NBAS: variants seen among roughly 807,000 people sequenced by gnomAD.
NBAS encodes NBAS subunit of NRZ tethering complex, also known as NAG/BC035112 fusion.
A neutral mutation model predicts 302.5 loss-of-function variants in NBAS; 219 were observed. That is an observed-to-expected ratio of 0.72 (90% CI 0.65 to 0.81). The LOEUF is 0.81. NBAS is among the 30% of genes least tolerant of loss of function. The probability of loss-of-function intolerance (pLI) is 0.00; values close to 1 mark genes in which losing one functional copy is unlikely to be tolerated. For missense variants in NBAS, 2,932 were observed against 2,841.6 expected (o/e 1.03, Z -0.72); for synonymous variants, 1,118 against 1,021.6 (o/e 1.09, Z -1.80).
chr2:14,920,558 T>C, the NBAS span, among the ~76,000 whole-genome samples: 1 of 152,228 alleles, frequency 6.6e-6, no homozygotes, highest in African/African-American at 2.4e-5. Context: ...AATATAGGGT[T>C]GTTTTGTCTA....
At chr2:15,230,914 G>A (rs1667356640) in intron 47 of NBAS, among the ~76,000 whole-genome samples, 1 of 152,164 alleles carries the variant, frequency 6.6e-6, no homozygotes, top group Non-Finnish European at 1.5e-5. Context: ...TCCTCAGCCT[G>A]GAATTACCAT....
At chr2:15,215,626 ACAAGAG>A (rs1666616847) in intron 48 of NBAS, among the ~76,000 whole-genome samples, 2 of 152,354 alleles carry the variant, frequency 1.3e-5, no homozygotes, top group Non-Finnish European at 1.5e-5. Flanking sequence ...AATGAAAAAA[ACAAGAG>A]CTCATACAGT....
chr2:14,910,109 G>C, the NBAS span, among the ~76,000 whole-genome samples: 2 of 152,066 alleles, frequency 1.3e-5, no homozygotes, highest in African/African-American at 4.8e-5. Context: ...TGAGAATTTG[G>C]GTTTCACCTG....
intron 9 of NBAS, among the ~76,000 whole-genome samples, chr2:15,532,590 G>T (rs1397350940): frequency 2.0e-5 from 3 of 151,544 alleles, no homozygotes; most frequent in African/African-American, 7.3e-5. Context: ...TCGTGGTAGA[G>T]TAAGAAAACT....
the NBAS span, among the ~76,000 whole-genome samples, chr2:14,854,343 G>A: frequency 1.3e-5 from 2 of 151,816 alleles, no homozygotes; most frequent in South Asian, 2.1e-4. Flanking sequence ...AAAAATAAAT[G>A]AATTTGGAGA....
chr2:15,092,544 T>C, the NBAS span, among the ~76,000 whole-genome samples: 10 of 151,568 alleles, frequency 6.6e-5, no homozygotes, highest in Non-Finnish European at 1.2e-4. Context: ...CAACTCCACA[T>C]TTTGTACTGC....
chr2:15,388,114 C>T (rs1346089376), intron 28 of NBAS, among the ~76,000 whole-genome samples: 4 of 152,172 alleles, frequency 2.6e-5, no homozygotes, highest in Non-Finnish European at 4.4e-5. Context: ...GAATTGACAC[C>T]TTTCCACTAT....
At chr2:14,825,005 G>A in the NBAS span, among the ~76,000 whole-genome samples, 3 of 152,124 alleles carry the variant, frequency 2.0e-5, 1 homozygote, top group South Asian at 6.2e-4. Flanking sequence ...CGGTGCCCTA[G>A]GTTCATGTAT....
At chr2:15,400,866 T>C (rs1053046178) in intron 26 of NBAS, among the ~76,000 whole-genome samples, 3 of 152,208 alleles carry the variant, frequency 2.0e-5, no homozygotes, top group African/African-American at 7.2e-5. Context: ...ATATCCCACA[T>C]TCAGTAGTTG....
chr2:15,467,185 A>G (rs570318579), intron 19 of NBAS, 144 bp downstream of exon 19: 38 of 660,052 alleles, frequency 5.8e-5, no homozygotes, highest in Non-Finnish European at 9.2e-5. Flanking sequence ...AAACTAGTAT[A>G]TAAGAGAACT....
intron 44 of NBAS, among the ~76,000 whole-genome samples, chr2:15,242,237 T>G (rs1667897981): frequency 6.6e-6 from 1 of 152,198 alleles, no homozygotes; most frequent in Non-Finnish European, 1.5e-5. Flanking sequence ...ATTGTTTGAC[T>G]TCATCACTAC....
intron 47 of NBAS, among the ~76,000 whole-genome samples, chr2:15,224,227 G>C (rs2147902768): frequency 1.3e-5 from 2 of 152,290 alleles, no homozygotes; most frequent in Admixed American, 1.3e-4. Context: ...CAAAAGAATG[G>C]AAGGGAAATG....
the NBAS span, among the ~76,000 whole-genome samples, chr2:14,865,227 C>A: frequency 1.7e-4 from 26 of 152,038 alleles, no homozygotes; most frequent in East Asian, 4.8e-3. Flanking sequence ...ACTCTAACTT[C>A]TTTCCCCATC....
chr2:15,345,821 G>C (rs569774640), intron 35 of NBAS, among the ~76,000 whole-genome samples: 2 of 152,102 alleles, frequency 1.3e-5, no homozygotes, highest in Non-Finnish European at 2.9e-5. Context: ...TAGACCAAAG[G>C]AACAGAACAG....
chr2:15,341,406 A>G (rs1407997143), intron 35 of NBAS, among the ~76,000 whole-genome samples: 1 of 148,022 alleles, frequency 6.8e-6, no homozygotes, highest in Non-Finnish European at 1.5e-5. Context: ...ATAAATGAAT[A>G]AATAAATAAA....
At chr2:15,230,657 A>T (rs1667344495) in intron 47 of NBAS, among the ~76,000 whole-genome samples, 1 of 152,180 alleles carries the variant, frequency 6.6e-6, no homozygotes, top group Non-Finnish European at 1.5e-5. Context: ...AGCCCCATTG[A>T]AAGGGGACTA....
At chr2:15,147,733 G>A in the NBAS span, among the ~76,000 whole-genome samples, 9 of 152,068 alleles carry the variant, frequency 5.9e-5, no homozygotes, top group Non-Finnish European at 1.0e-4. Flanking sequence ...TCTAAGGACC[G>A]CCTTTACTCA....
chr2:14,968,751 TA>T, the NBAS span, among the ~76,000 whole-genome samples: 15 of 152,376 alleles, frequency 9.8e-5, no homozygotes, highest in South Asian at 3.1e-3. Flanking sequence ...TATGACAATG[TA>T]AAATTGTAAA....
chr2:15,209,422 T>C (rs1361130530), intron 48 of NBAS, among the ~76,000 whole-genome samples: 2 of 152,054 alleles, frequency 1.3e-5, no homozygotes, highest in Non-Finnish European at 2.9e-5. Context: ...GAGGAGGAAA[T>C]GCTTCCAAAC....
Sources: gnomAD v4.1 joint callset for allele counts (sites outside exome capture counted in the v4.1 genomes callset) on GRCh38, gnomAD v4.1.1 for gene constraint, MANE v1.5 for transcripts, NCBI Gene and HGNC (gene_info 2026-07-23, HGNC 2026-07-21) for gene names.